PIEZO2: variants seen among roughly 807,000 people sequenced by gnomAD.
PIEZO2 encodes piezo type mechanosensitive ion channel component 2, also known as piezo-type mechanosensitive ion channel component 2.
A neutral mutation model predicts 337.3 loss-of-function variants in PIEZO2; 172 were observed. That is an observed-to-expected ratio of 0.51 (90% confidence interval 0.45 to 0.58). PIEZO2 has a LOEUF of 0.58. PIEZO2 is among the 20% of genes least tolerant of loss of function. The pLI, the probability that PIEZO2 is intolerant of heterozygous loss-of-function variation, is 0.00. For missense variants in PIEZO2, 3,028 were observed against 3,391.3 expected (o/e 0.89, Z 2.66); for synonymous variants, 1,251 against 1,228.5 (o/e 1.02, Z -0.38).
chr18:10,885,485 A>T (rs1447278817), intron 4 of PIEZO2, among the ~76,000 whole-genome samples: 1 of 152,136 alleles, frequency 6.6e-6, no homozygotes, highest in African/African-American at 2.4e-5. Context: ...GGTGATAGGA[A>T]CAGTTCCCTC....
At chr18:10,886,499 C>CATATATATATATATATATAT (rs60655977) in intron 4 of PIEZO2, among the ~76,000 whole-genome samples, 3 of 69,510 alleles carry the variant, frequency 4.3e-5, no homozygotes, top group African/African-American at 2.2e-4. Context: ...TATATATATA[C>CATATATATATATATATATAT]GCATATACAC....
chr18:10,904,035 A>C (rs997423803), intron 4 of PIEZO2, among the ~76,000 whole-genome samples: 3 of 152,268 alleles, frequency 2.0e-5, no homozygotes, highest in African/African-American at 7.2e-5. Context: ...ACTAAATGGT[A>C]GCATGTAACT....
At chr18:10,690,729 C>A (rs1005869440) in intron 48 of PIEZO2, among the ~76,000 whole-genome samples, 4 of 152,174 alleles carry the variant, frequency 2.6e-5, no homozygotes, top group African/African-American at 9.7e-5. Flanking sequence ...CATAGAAGAG[C>A]ACATGTGCTT....
At chr18:10,881,873 C>T (rs111854261) in intron 4 of PIEZO2, among the ~76,000 whole-genome samples, 66 of 152,288 alleles carry the variant, frequency 4.3e-4, no homozygotes, top group African/African-American at 1.4e-3. Context: ...ATCAGCCCCA[C>T]GACAGTACTC....
At chr18:10,974,878 G>A (rs1263849979) in intron 3 of PIEZO2, among the ~76,000 whole-genome samples, 1 of 152,216 alleles carries the variant, frequency 6.6e-6, no homozygotes, top group South Asian at 2.1e-4. Flanking sequence ...GCTGCTTCCC[G>A]CTGGATGGAG....
At chr18:11,030,727 G>A (rs185214846) in intron 2 of PIEZO2, among the ~76,000 whole-genome samples, 1 of 152,222 alleles carries the variant, frequency 6.6e-6, no homozygotes, top group Non-Finnish European at 1.5e-5. Flanking sequence ...CTGGCAAGAC[G>A]TAGTCCAGGG....
chr18:11,012,858 A>G (rs1220324125), intron 2 of PIEZO2, among the ~76,000 whole-genome samples: 4 of 152,186 alleles, frequency 2.6e-5, no homozygotes, highest in Non-Finnish European at 5.9e-5. Context: ...CAGCCTGGAC[A>G]TCACAGTGAG....
intron 3 of PIEZO2, among the ~76,000 whole-genome samples, chr18:10,924,652 C>T (rs2031618456): frequency 6.6e-6 from 1 of 152,168 alleles, no homozygotes; most frequent in African/African-American, 2.4e-5. Context: ...AAAAATTTCT[C>T]TTTTGAGAGA....
chr18:10,974,454 G>A (rs2034362291), intron 3 of PIEZO2, among the ~76,000 whole-genome samples: 1 of 152,178 alleles, frequency 6.6e-6, no homozygotes, highest in Non-Finnish European at 1.5e-5. Context: ...AAAATATTCA[G>A]TTAATTATAA....
rs1490895219 is a variant in PIEZO2 at position 10,789,025 on chromosome 18, C to T, written c.2169+54G>A. On this transcript the variant is annotated intron_variant, in intron 15 of 55. Transcript: ENST00000674853. ...ATTTAAAATCTCTGCAGAGGTAGCT[C>T]ATGTATACTCCTGGGAGAGATGTGA... 6.8e-6 allele frequency: 10 copies of T among 1,479,222 alleles called. No individual in the cohort carries two copies. In the East Asian group the frequency reaches 2.5e-4, roughly 37 times the overall value. The allele number at this position is 1,479,222 out of a possible 1,614,324, so 91.6% of individuals were successfully genotyped here.
chr18:10,867,064 T>C (rs12456265), intron 5 of PIEZO2, among the ~76,000 whole-genome samples: 52,411 of 152,010 alleles, frequency 0.34, 9,096 homozygotes, highest in South Asian at 0.37. Context: ...AGGCTTTCCA[T>C]TCACACTAAG....
chr18:10,760,257 C>A (rs1259109397), intron 24 of PIEZO2, among the ~76,000 whole-genome samples: 1 of 152,178 alleles, frequency 6.6e-6, no homozygotes, highest in Non-Finnish European at 1.5e-5. Context: ...TTCATTTTGG[C>A]TGCAGCTTAT....
At position 10,672,778 on chromosome 18, in the gene PIEZO2, T is replaced by G. The variant is rs754918082; in HGVS notation, c.8257A>C (p.Ile2753Leu). The G allele has an allele frequency of 1.2e-6, 2 of 1,614,056 alleles. No homozygotes were observed. Among genetic ancestry groups the G allele is most frequent in the Non-Finnish European group, 1.7e-6 (2 of 1,180,002 alleles). Reference protein sequence around the residue: ...WWVLNLTGNRIYNPNSQALEL... With the variant: ...WWVLNLTGNRLYNPNSQALEL... ...AGGGCCTGAGAGTTCGGATTGTATA[T>G]TCTGTTTCCAGTCAGGTTGAGAACC... is the stretch of plus-strand genomic sequence containing the variant. Residue 2753 changes from isoleucine to leucine, a missense_variant, in exon 55 of 56, where the codon ATA becomes CTA. Physicochemically the swap from Ile to Leu is conservative, Grantham distance 5. Coordinates refer to ENST00000674853, the MANE Select transcript of PIEZO2 (RefSeq NM_001378183.1). This position sits in a 1 kb window ranked among gnomAD's most constrained non-coding sequence, Gnocchi z 4.7.
chr18:11,107,024 C>T (rs375382385), intron 1 of PIEZO2, among the ~76,000 whole-genome samples: 9 of 152,174 alleles, frequency 5.9e-5, no homozygotes, highest in African/African-American at 1.9e-4. Flanking sequence ...TGACAAAAAA[C>T]GTCATTGGTT....
chr18:10,834,813 T>C lies in PIEZO2; in HGVS notation c.917+20540A>G, dbSNP rs900889004. Among the ~76,000 whole-genome samples, 1 of 152,218 alleles carries C rather than the reference T, an allele frequency of 6.6e-6. No individual in the cohort carries two copies. The highest frequency in any genetic ancestry group is 1.5e-5 in the Non-Finnish European group (1 of 68,036). The stretch of plus-strand genomic sequence containing the variant: ...TCCTTTAAGTTTCTTCCCCGCTAGC[T>C]TTCACAAGAAACTCCAGTGCCCTTT... On this transcript the variant is annotated intron_variant, in intron 7 of 55. Transcript: ENST00000674853. This position sits in a 1 kb window ranked among gnomAD's most constrained non-coding sequence, Gnocchi z 4.5.
Position 11,080,951 on chromosome 18 carries a change from A to G in PIEZO2, c.65-14729T>C, listed in dbSNP as rs1002162181. Among the ~76,000 whole-genome samples the G allele has an allele frequency of 2.0e-5, 3 of 152,248 alleles. No homozygotes were observed. The South Asian group carries it at 6.2e-4, about 31-fold the overall frequency. On this transcript the variant is annotated intron_variant, in intron 1 of 55. Coordinates refer to ENST00000674853, the MANE Select transcript of PIEZO2 (RefSeq NM_001378183.1). This position sits in a 1 kb window ranked among gnomAD's most constrained non-coding sequence, Gnocchi z 5.4. ...GTCCAATAGCTTCACCAAATTGGTT[A>G]TTCTGCAACATACCATCTGGCTAAC... is the stretch of plus-strand genomic sequence containing the variant.
intron 1 of PIEZO2, among the ~76,000 whole-genome samples, chr18:11,067,844 T>A (rs1167823901): frequency 6.6e-6 from 1 of 152,228 alleles, no homozygotes; most frequent in Non-Finnish European, 1.5e-5. Flanking sequence ...AGACTTAAAC[T>A]ACATTTTTGA....
At position 10,815,709 on chromosome 18, in the gene PIEZO2, A is replaced by C. The variant is rs529666901; in HGVS notation, c.918-8435T>G. ...TATTTGGGAGTGCTCTCACTCAGGA[A>C]CAAGAGAAGAAGGAGAACAGTCTTC... On this transcript the variant is annotated intron_variant, in intron 7 of 55. Transcript: ENST00000674853. The surrounding 1 kb of genome is among the most constrained non-coding windows in gnomAD (Gnocchi z 4.1). Among the ~76,000 whole-genome samples the C allele has an allele frequency of 6.6e-6, 1 of 152,306 alleles. No homozygotes were observed. The highest frequency in any genetic ancestry group is 1.9e-4 in the East Asian group (1 of 5,178).
chr18:11,059,234 C>CT (rs1868901556), intron 2 of PIEZO2, among the ~76,000 whole-genome samples: 1 of 151,922 alleles, frequency 6.6e-6, no homozygotes, highest in Admixed American at 6.6e-5. Context: ...CCAGGCCTAC[C>CT]CTACAAGAGC....
Sources: gnomAD v4.1 joint callset for allele counts (sites outside exome capture counted in the v4.1 genomes callset) on GRCh38, gnomAD v4.1.1 for gene constraint, Gnocchi (gnomAD v3.1) non-coding constraint, MANE v1.5 for transcripts, NCBI Gene and HGNC (gene_info 2026-07-23, HGNC 2026-07-21) for gene names.